PLK1: variants seen among roughly 807,000 people sequenced by gnomAD.
The protein encoded by PLK1 is polo like kinase 1, also known as serine/threonine-protein kinase PLK1.
Under a neutral mutation model 56.7 loss-of-function variants are expected in PLK1, and 6 were observed. The observed-to-expected ratio is 0.11, with a 90% CI of 0.06 to 0.21. PLK1 has a LOEUF of 0.21. Among genes scored for constraint, PLK1 ranks in the 10% least tolerant of loss-of-function variants. The pLI is 1.00. For synonymous variants in PLK1, 298 were observed against 325.0 expected, an observed-to-expected ratio of 0.92 and a Z score of 0.89; for missense variants, 546 against 814.4, an observed-to-expected ratio of 0.67 and a Z score of 4.01.
rs375935677 is a variant in PLK1 at position 23,689,649 on chromosome 16, C to T, written c.1581C>T (p.Asn527=). Residue 527 remains asparagine (N), a synonymous_variant, in exon 9 of 10, where the codon AAC becomes AAT. Transcript: ENST00000300093. This position sits in a 1 kb window ranked among gnomAD's most constrained non-coding sequence, Gnocchi z 4.8. ...GCGCCATCATCCTGCACCTCAGCAA[C>T]GGCAGCGTGCAGATCAACTTCTTCC... The part of the protein sequence containing the change: ...TRSAIILHLS[N]GSVQINFFQD... 72 of 1,608,788 alleles carry T rather than the reference C, an allele frequency of 4.5e-5. No homozygotes were observed. Among genetic ancestry groups the T allele is most frequent in the East Asian group, 1.1e-4 (5 of 44,780 alleles).
At chr16:23,682,218 C>A in intron 4 of PLK1, 61 bp downstream of exon 4, 1 of 916,212 alleles carries the variant, frequency 1.1e-6, no homozygotes, top group Non-Finnish European at 1.8e-6. Flanking sequence ...GTTTATGGAG[C>A]CCAGCAATAT....
chr16:23,682,275 G>C, intron 4 of PLK1, 118 bp downstream of exon 4: 1 of 621,354 alleles, frequency 1.6e-6, no homozygotes, highest in East Asian at 2.7e-5. Flanking sequence ...TAGCCACAGA[G>C]CTTGAGAGGG....
intron 2 of PLK1, 126 bp downstream of exon 2, chr16:23,680,378 G>A: frequency 1.5e-6 from 1 of 684,654 alleles, no homozygotes; most frequent in Non-Finnish European, 2.5e-6. Context: ...TTATTTTTTT[G>A]TGCCCCAATG....
chr16:23,679,761 G>C, intron 1 of PLK1: 1 of 299,636 alleles, frequency 3.3e-6, no homozygotes, highest in Non-Finnish European at 6.3e-6. Flanking sequence ...GGAGATACGA[G>C]TCAGGAAAGG....
At position 23,679,029 on chromosome 16, in the gene PLK1, G is replaced by T. The variant is rs1959279291; in HGVS notation, c.97G>T (p.Ala33Ser). ...PGVAAPGAPA[A>S]APPAKEIPEV... ...AGTTGCAGCTCCCGGAGCTCCGGCGGCGGCTCCACCGGCGAAAGAGATCCC... is the reference window on the plus strand; with the variant it reads ...AGTTGCAGCTCCCGGAGCTCCGGCGTCGGCTCCACCGGCGAAAGAGATCCC... The change falls in exon 1 of 10, where the codon GCG (alanine) becomes TCG (serine). Residue 33 changes from alanine (A) to serine (S), a missense_variant. By Grantham distance (99) the Ala-to-Ser change is moderately conservative (BLOSUM62 1). This residue lies in a region of PLK1 where 72 missense variants were observed against 63.7 expected (regional missense o/e 1.13). Transcript: ENST00000300093. The T allele has an allele frequency of 6.2e-7, 1 of 1,608,238 alleles. No individual in the cohort carries two copies. Among genetic ancestry groups the T allele is most frequent in the East Asian group, 2.2e-5 (1 of 44,746 alleles).
At position 23,689,198 on chromosome 16, in the gene PLK1, C is replaced by T. The variant is rs1351766698; in HGVS notation, c.1271-40C>T. The stretch of plus-strand genomic sequence containing the variant: ...CACGCCCGGTCCCACTCCCCACTTT[C>T]TATTCCCCCTTTCTGAGACCTCTCT... On this transcript the variant is annotated intron_variant, in intron 7 of 9. Coordinates refer to ENST00000300093, the MANE Select transcript of PLK1 (RefSeq NM_005030.6). The surrounding 1 kb of genome is among the most constrained non-coding windows in gnomAD (Gnocchi z 4.8). The T allele has an allele frequency of 6.3e-7, 1 of 1,579,460 alleles. No homozygotes were observed. Among genetic ancestry groups the T allele is most frequent in the African/African-American group, 1.3e-5 (1 of 74,436 alleles).
At chr16:23,684,750 C>T (rs893821006) in intron 5 of PLK1, among the ~76,000 whole-genome samples, 5 of 151,912 alleles carry the variant, frequency 3.3e-5, no homozygotes, top group African/African-American at 9.7e-5. Flanking sequence ...CTCTGCCTCC[C>T]GGGTTCACGC....
chr16:23,680,276 T>A (rs1449675050), intron 2 of PLK1, 24 bp downstream of exon 2: 1 of 1,609,488 alleles, frequency 6.2e-7, no homozygotes, highest in Admixed American at 1.7e-5. Flanking sequence ...CCTGCAGGGG[T>A]GCTTGACATC....
chr16:23,679,559 T>C (rs1959297961), intron 1 of PLK1: 2 of 536,788 alleles, frequency 3.7e-6, no homozygotes, highest in Non-Finnish European at 6.6e-6. Context: ...AAGTGGAGTC[T>C]GAGTCATGTT....
Position 23,688,692 on chromosome 16 carries a change from T to C in PLK1, c.1217T>C (p.Ile406Thr). 1 of 1,614,050 alleles carries C rather than the reference T, an allele frequency of 6.2e-7. No individual in the cohort carries two copies. ...RQEEAEDPAC[I>T]PIFWVSKWVD... ...GAGGAGGCTGAGGATCCTGCCTGCA[T>C]CCCCATCTTCTGGGTCAGCAAGTGG... Residue 406 changes from isoleucine (I) to threonine (T), a missense_variant, in exon 7 of 10, where the codon ATC becomes ACC. Ile to Thr is a moderately conservative substitution (Grantham distance 89). Coordinates refer to ENST00000300093, the MANE Select transcript of PLK1 (RefSeq NM_005030.6).
chr16:23,683,843 T>C, intron 4 of PLK1, 27 bp from the exon 5 acceptor site: 2 of 1,582,192 alleles, frequency 1.3e-6, no homozygotes, highest in Non-Finnish European at 1.7e-6. Context: ...CACATTCTGC[T>C]TATGGCTGTC....
rs1377897794 is a variant in PLK1 at position 23,688,762 on chromosome 16, A to AC, written c.1270+18dup. The AC allele has an allele frequency of 6.3e-7, 1 of 1,582,514 alleles. No individual in the cohort carries two copies. Among genetic ancestry groups the AC allele is most frequent in the Admixed American group, 1.7e-5 (1 of 59,962 alleles). On this transcript the variant is annotated intron_variant, in intron 7 of 9. Coordinates refer to ENST00000300093, the MANE Select transcript of PLK1 (RefSeq NM_005030.6). Reference sequence around the variant, plus strand: ...ACGGCCTTGGTAGGTTTCTTCCAGAACAGGTGGGTGACTCAGGCACAGCCA... The same window carrying AC: ...ACGGCCTTGGTAGGTTTCTTCCAGAACCAGGTGGGTGACTCAGGCACAGCCA...
rs1344099472 is a variant in PLK1, at chr16:23,690,083, A to C, written c.*20A>C. 1.3e-6 allele frequency: 2 copies of C among 1,584,330 alleles called. No individual in the cohort carries two copies. Among genetic ancestry groups the C allele is most frequent in the Non-Finnish European group, 1.7e-6 (2 of 1,162,686 alleles). Reference sequence around the variant, plus strand: ...TCCTAATAGCTGCCCTCCCCTCCGGACTGGTGCCCTCCTCACTCCCACCTG... The same window carrying C: ...TCCTAATAGCTGCCCTCCCCTCCGGCCTGGTGCCCTCCTCACTCCCACCTG... On this transcript the variant is annotated 3_prime_UTR_variant, in exon 10 of 10. Transcript: ENST00000300093.
intron 5 of PLK1, chr16:23,686,946 CAA>C (rs1959437054): frequency 6.6e-6 from 1 of 152,136 alleles, no homozygotes; most frequent in Admixed American, 6.5e-5. Flanking sequence ...AGGAAAAAGA[CAA>C]TAAGAATAAT....
Position 23,689,121 on chromosome 16 carries a change from C to A in PLK1, c.1271-117C>A. ...CTGGTCTCAAACTCCTGGGCTCAAA[C>A]AATCCTCCTCCCTCAGCCTCCCAAA... On this transcript the variant is annotated intron_variant, in intron 7 of 9. Transcript: ENST00000300093. The surrounding 1 kb of genome is among the most constrained non-coding windows in gnomAD (Gnocchi z 4.8). The A allele has an allele frequency of 1.1e-6, 1 of 894,140 alleles. No individual in the cohort carries two copies. Among genetic ancestry groups the A allele is most frequent in the Non-Finnish European group, 1.8e-6 (1 of 559,506 alleles). The allele number at this position is 894,140 out of a possible 1,614,324, so 55.4% of individuals were successfully genotyped here.
chr16:23,686,199 T>C (rs1959424968), intron 5 of PLK1, among the ~76,000 whole-genome samples: 1 of 152,060 alleles, frequency 6.6e-6, no homozygotes, highest in Admixed American at 6.5e-5. Flanking sequence ...CCACCGCGTC[T>C]GACCAATTTT....
intron 4 of PLK1, among the ~76,000 whole-genome samples, 163 bp from the exon 5 acceptor site, chr16:23,683,707 C>T (rs1396467559): frequency 2.0e-5 from 3 of 152,146 alleles, no homozygotes; most frequent in African/African-American, 7.2e-5. Context: ...GTAAAGCTGA[C>T]AGTGGAGAAC....
Position 23,684,107 on chromosome 16 carries a change from G to T in PLK1, c.1036+18G>T, listed in dbSNP as rs1399725656. 2 of 1,592,208 alleles carry T rather than the reference G, an allele frequency of 1.3e-6. No homozygotes were observed. Among genetic ancestry groups the T allele is most frequent in the Non-Finnish European group, 1.7e-6 (2 of 1,160,098 alleles). ...CAATAAAGGTACAACAAGGGTCTGG[G>T]TAAGAGAGCAGACCCCCCAGAGAAA... On this transcript the variant is annotated intron_variant, in intron 5 of 9. Transcript: ENST00000300093.
intron 5 of PLK1, among the ~76,000 whole-genome samples, chr16:23,684,973 T>C: frequency 9.2e-6 from 1 of 108,114 alleles, no homozygotes; most frequent in African/African-American, 4.3e-5. Context: ...TTTTTTTTTT[T>C]TTTTTTTTTT....
Sources: gnomAD v4.1 joint callset for allele counts (sites outside exome capture counted in the v4.1 genomes callset) on GRCh38, gnomAD v4.1.1 for gene constraint, gnomAD v4.1.1 regional missense constraint, Gnocchi (gnomAD v3.1) non-coding constraint, MANE v1.5 for transcripts, NCBI Gene and HGNC (gene_info 2026-07-23, HGNC 2026-07-21) for gene names.